Variants in GAS2 observed in about 807,000 individuals in gnomAD.
GAS2 encodes growth arrest specific 2.
In GAS2, 20 loss-of-function variants were observed where a neutral mutation model predicts 37.5. The observed-to-expected ratio is 0.53, with a 90% CI of 0.37 to 0.77. The LOEUF is 0.77. Ranked by LOEUF, GAS2 falls within the 30% of genes least tolerant of loss-of-function variation. GAS2 has a pLI of 0.00. For missense variants in GAS2, 336 were observed against 373.4 expected, an observed-to-expected ratio of 0.90 and a Z score of 0.82; for synonymous variants, 144 against 132.2, an observed-to-expected ratio of 1.09 and a Z score of -0.61.
chr11:22,657,825 A>G (rs1433523115), intron 1 of GAS2, among the ~76,000 whole-genome samples: 2 of 152,142 alleles, frequency 1.3e-5, no homozygotes, highest in Admixed American at 6.5e-5. Context: ...ATTACTTTTA[A>G]TGCATTTTAT....
chr11:22,663,409 A>T (rs1848937251), upstream of GAS2, among the ~76,000 whole-genome samples: 1 of 152,058 alleles, frequency 6.6e-6, no homozygotes, highest in African/African-American at 2.4e-5. Context: ...CCTTCTCAAA[A>T]AAAAAAATAA....
At chr11:22,794,238 C>T (rs942781247) in intron 7 of GAS2, among the ~76,000 whole-genome samples, 5 of 151,704 alleles carry the variant, frequency 3.3e-5, no homozygotes, top group Non-Finnish European at 7.4e-5. Flanking sequence ...TGAAGAAATA[C>T]ATATACATTG....
At chr11:22,630,544 T>C (rs921677323) in intron 1 of GAS2, among the ~76,000 whole-genome samples, 2 of 152,138 alleles carry the variant, frequency 1.3e-5, no homozygotes, top group African/African-American at 4.8e-5. Context: ...ATTTTTGCAG[T>C]CTACTCATCT....
At chr11:22,796,607 A>C (rs1175485779) in intron 7 of GAS2, among the ~76,000 whole-genome samples, 1 of 152,144 alleles carries the variant, frequency 6.6e-6, no homozygotes, top group Non-Finnish European at 1.5e-5. Context: ...TTTTAATGTC[A>C]ATATACTAAA....
At chr11:22,726,461 G>T in intron 4 of GAS2, 28 bp downstream of exon 4, 2 of 1,585,016 alleles carry the variant, frequency 1.3e-6, no homozygotes, top group Non-Finnish European at 1.7e-6. Context: ...AATTTTAGTT[G>T]ATAAGATACG....
intron 3 of GAS2, among the ~76,000 whole-genome samples, chr11:22,702,818 C>T (rs973530591): frequency 6.6e-6 from 1 of 152,058 alleles, no homozygotes; most frequent in Non-Finnish European, 1.5e-5. Context: ...CTACATATTT[C>T]AGAGCAAGGA....
intron 3 of GAS2, among the ~76,000 whole-genome samples, chr11:22,705,028 C>T (rs1392417385): frequency 1.3e-5 from 2 of 152,024 alleles, no homozygotes; most frequent in East Asian, 3.9e-4. Flanking sequence ...ATTAAATCAT[C>T]AAATAATTTA....
chr11:22,810,269 C>G (rs1857088770), intron 7 of GAS2, among the ~76,000 whole-genome samples: 1 of 152,182 alleles, frequency 6.6e-6, no homozygotes, highest in Non-Finnish European at 1.5e-5. Flanking sequence ...AGCACATGGT[C>G]TATTAGGCGA....
intron 1 of GAS2, among the ~76,000 whole-genome samples, chr11:22,648,321 T>C (rs7120148): frequency 0.24 from 36,238 of 152,054 alleles, 5,654 homozygotes; most frequent in African/African-American, 0.43. Context: ...GTTTTGGTTA[T>C]TGTAGCCTTG....
At chr11:22,648,655 G>T (rs1342777304) in intron 1 of GAS2, among the ~76,000 whole-genome samples, 1 of 152,100 alleles carries the variant, frequency 6.6e-6, no homozygotes, top group African/African-American at 2.4e-5. Flanking sequence ...TTGTAGGTTG[G>T]ATTCCTAGGT....
chr11:22,690,202 A>G (rs1177801133), intron 3 of GAS2, among the ~76,000 whole-genome samples: 1 of 152,176 alleles, frequency 6.6e-6, no homozygotes, highest in East Asian at 1.9e-4. Flanking sequence ...GGATGATTTA[A>G]ATGCTCTTAA....
At chr11:22,699,246 G>A (rs1157759034) in intron 3 of GAS2, among the ~76,000 whole-genome samples, 2 of 152,140 alleles carry the variant, frequency 1.3e-5, no homozygotes, top group Non-Finnish European at 2.9e-5. Context: ...AATGAAGGGA[G>A]AATTCTAAAT....
intron 3 of GAS2, among the ~76,000 whole-genome samples, chr11:22,703,818 A>G (rs1184627938): frequency 6.6e-6 from 1 of 152,144 alleles, no homozygotes; most frequent in Non-Finnish European, 1.5e-5. Context: ...AACACATTAC[A>G]TATCATGCAT....
At chr11:22,681,442 A>G (rs1329231334) in intron 2 of GAS2, among the ~76,000 whole-genome samples, 1 of 152,214 alleles carries the variant, frequency 6.6e-6, no homozygotes, top group Non-Finnish European at 1.5e-5. Context: ...CAAATATCGC[A>G]ATTATAAATT....
At position 22,735,920 on chromosome 11, in the gene GAS2, T is replaced by A. The variant is rs188625564; in HGVS notation, c.410-1785T>A. Among the ~76,000 whole-genome samples the A allele has an allele frequency of 3.2e-4, 48 of 151,754 alleles. No homozygotes were observed. In the Middle Eastern group the frequency reaches 0.01, roughly 32 times the overall value. On this transcript the variant is annotated intron_variant, in intron 4 of 7. Transcript: ENST00000454584. ...TTTACTTAGGATGAGGGCATTAGCT[T>A]TAAAAGTCCTCCTCTCCTCAGTTTT... is the stretch of plus-strand genomic sequence containing the variant.
intron 2 of GAS2, among the ~76,000 whole-genome samples, chr11:22,676,310 A>T (rs1007557900): frequency 1.7e-4 from 26 of 152,136 alleles, no homozygotes; most frequent in Non-Finnish European, 3.2e-4. Flanking sequence ...AAACAGATGG[A>T]TTTTTCTCTC....
chr11:22,747,808 C>A (rs1448457123), intron 5 of GAS2, among the ~76,000 whole-genome samples: 2 of 151,998 alleles, frequency 1.3e-5, no homozygotes, highest in Non-Finnish European at 2.9e-5. Context: ...TTTTATAAAT[C>A]CCTTTATCTT....
At chr11:22,686,277 ATTTCT>A (rs1481757133) in intron 3 of GAS2, among the ~76,000 whole-genome samples, 5 of 152,176 alleles carry the variant, frequency 3.3e-5, no homozygotes, top group African/African-American at 9.6e-5. Context: ...AACTGCTCAG[ATTTCT>A]TTTCTCCACA....
At chr11:22,747,849 A>G (rs1853495799) in intron 5 of GAS2, among the ~76,000 whole-genome samples, 2 of 152,168 alleles carry the variant, frequency 1.3e-5, no homozygotes, top group South Asian at 4.1e-4. Context: ...CAGAAAAGCC[A>G]GGAATAAAAC....
Sources: allele counts gnomAD v4.1 joint callset (sites outside exome capture counted in the v4.1 genomes callset), GRCh38; gene constraint gnomAD v4.1.1; transcripts MANE v1.5; gene names NCBI Gene and HGNC (gene_info 2026-07-23, HGNC 2026-07-21).